The following DMXL1 variants were observed in gnomAD, a reference collection of about 807,000 sequenced individuals.
DMXL1 encodes Dmx like 1.
A neutral mutation model predicts 319.2 loss-of-function variants in DMXL1; 99 were observed. That is an observed-to-expected ratio of 0.31 (90% CI 0.26 to 0.37). The LOEUF (loss-of-function observed/expected upper bound fraction) is 0.37, where lower values mean the gene tolerates loss of function less well. Ranked by LOEUF, DMXL1 falls within the 10% of genes least tolerant of loss-of-function variation. The probability of loss-of-function intolerance (pLI) is 1.00; values close to 1 mark genes in which losing one functional copy is unlikely to be tolerated. For synonymous variants in DMXL1, 1,385 were observed against 1,235.2 expected (o/e 1.12, Z -2.54); for missense variants, 3,745 against 3,595.6 (o/e 1.04, Z -1.06).
At chr5:119,192,266 C>G (rs1778826116) in intron 29 of DMXL1, among the ~76,000 whole-genome samples, 1 of 152,196 alleles carries the variant, frequency 6.6e-6, no homozygotes, top group Non-Finnish European at 1.5e-5. Flanking sequence ...GTCCTTCTAT[C>G]AGACACCTTT....
chr5:119,122,649 C>T (rs1400121377), intron 9 of DMXL1, among the ~76,000 whole-genome samples: 2 of 151,092 alleles, frequency 1.3e-5, no homozygotes, highest in Non-Finnish European at 3.0e-5. Context: ...CAGAGACGCC[C>T]TTCCCCTCCC....
chr5:119,232,148 T>TA (rs2150677300), intron 38 of DMXL1, among the ~76,000 whole-genome samples: 1 of 152,266 alleles, frequency 6.6e-6, no homozygotes, highest in Admixed American at 6.5e-5. Flanking sequence ...ACCCAGCTCT[T>TA]AATTTTTTAA....
chr5:119,145,988 G>A (rs1447269877), intron 15 of DMXL1, among the ~76,000 whole-genome samples: 2 of 151,534 alleles, frequency 1.3e-5, no homozygotes, highest in African/African-American at 4.8e-5. Flanking sequence ...CTTAATTTCT[G>A]TATTTTGGAT....
chr5:119,181,265 C>T (rs1466530758), intron 28 of DMXL1, among the ~76,000 whole-genome samples: 2 of 152,098 alleles, frequency 1.3e-5, no homozygotes, highest in African/African-American at 2.4e-5. Context: ...TATGTTTAAC[C>T]TCAGCCAATA....
chr5:119,211,135 TG>T (rs920771673), intron 34 of DMXL1, among the ~76,000 whole-genome samples: 2 of 151,948 alleles, frequency 1.3e-5, no homozygotes, highest in Non-Finnish European at 2.9e-5. Flanking sequence ...TTGGTCGTGA[TG>T]TGTTATCCTT....
intron 32 of DMXL1, among the ~76,000 whole-genome samples, chr5:119,200,427 G>A (rs1462105322): frequency 6.6e-6 from 1 of 152,150 alleles, no homozygotes; most frequent in Non-Finnish European, 1.5e-5. Context: ...TGTTCCAGTG[G>A]TCAATGTGCC....
rs748088206 is a variant in DMXL1, at chr5:119,171,270, A to T, written c.6479A>T (p.Glu2160Val). ...VRMELILLLQ[E>V]SQQETSEPLF... ...ATGGAATTGATTTTGCTTTTGCAAG[A>T]ATCTCAGCAGGTATGTAATTTACTT... The change falls in exon 24 of 44, where the codon GAA becomes GTA. Residue 2160 changes from glutamate (E) to valine (V), a missense_variant. By Grantham distance (121) the Glu-to-Val change is moderately radical. This residue lies in a region of DMXL1 where 1,382 missense variants were observed against 1,269.5 expected (regional missense o/e 1.09). Transcript: ENST00000539542. 3.1e-6 allele frequency: 5 copies of T among 1,595,166 alleles called. No individual in the cohort carries two copies. In the African/African-American group the frequency reaches 6.7e-5, roughly 22 times the overall value.
At chr5:119,168,936 C>G (rs1773993922) in intron 23 of DMXL1, among the ~76,000 whole-genome samples, 1 of 151,918 alleles carries the variant, frequency 6.6e-6, no homozygotes, top group Admixed American at 6.6e-5. Context: ...TGGAGTCTCA[C>G]TCTCACCCAG....
chr5:119,196,686 TTGAC>T (rs1040106887), intron 31 of DMXL1, among the ~76,000 whole-genome samples: 3 of 152,132 alleles, frequency 2.0e-5, no homozygotes, highest in African/African-American at 4.8e-5. Context: ...TGTGATGTGA[TTGAC>T]TGTCTTGAGA....
Position 119,071,399 on chromosome 5 carries a change from G to T in DMXL1, c.-171G>T, listed in dbSNP as rs561327176. 1.1e-5 allele frequency: 7 copies of T among 622,182 alleles called. No individual in the cohort carries two copies. The South Asian group carries it at 1.2e-4, about 11-fold the overall frequency. 38.5% of individuals were successfully genotyped at this position (622,182 alleles called of 1,614,324 possible). A position where few individuals can be genotyped will look rare whatever the true frequency, so the allele number is the denominator to read the frequency against. ...CTCCGGGCCTCGCCCTCCGGGGCTC[G>T]GGATGAGTCGCGGGCCCCAGCTGAG... On this transcript the variant is annotated 5_prime_UTR_variant, in exon 1 of 44. Transcript: ENST00000539542.
intron 15 of DMXL1, 60 bp from the exon 16 acceptor site, chr5:119,146,777 G>A (rs1420813245): frequency 1.4e-6 from 2 of 1,474,506 alleles, no homozygotes; most frequent in African/African-American, 2.9e-5. Flanking sequence ...AACTTGGCAT[G>A]TTTAGCAAGT....
rs3822517 is a variant in DMXL1, at chr5:119,246,083, C to T, written c.8923-912C>T. On this transcript the variant is annotated intron_variant, in intron 43 of 43. Transcript: ENST00000539542. ...AAAATACATGTCCTGAAAGCATTTA[C>T]GTTCTTCCCATAAGTAAAGATGCGT... 4.0e-3 allele frequency among the ~76,000 whole-genome samples: 602 copies of T among 152,240 alleles called. 9 individuals are homozygous for T. Among genetic ancestry groups the T allele is most frequent in the South Asian group, 0.026 (127 of 4,824 alleles).
At chr5:119,163,838 G>A (rs575326661) in intron 19 of DMXL1, among the ~76,000 whole-genome samples, 3 of 152,288 alleles carry the variant, frequency 2.0e-5, no homozygotes, top group African/African-American at 7.2e-5. Context: ...GCCTCCCAAA[G>A]TGCTGGGATT....
intron 34 of DMXL1, among the ~76,000 whole-genome samples, chr5:119,209,618 G>T (rs1782386630): frequency 1.3e-5 from 2 of 152,224 alleles, no homozygotes; most frequent in South Asian, 4.1e-4. Context: ...GAAGTGTTCG[G>T]ATTACAGGTG....
rs369098761 is a variant in DMXL1, at chr5:119,077,674, A to ATGTGTG, written c.87+6034_87+6039dup. ...TTTGTATATGTGTGTGTGTATATAT[A>ATGTGTG]TGTGTGTGTGTGTGTGTGTGTATGT... On this transcript the variant is annotated intron_variant, in intron 1 of 43. Coordinates refer to ENST00000539542, the MANE Select transcript of DMXL1 (RefSeq NM_001290321.3). 2.6e-3 allele frequency among the ~76,000 whole-genome samples: 309 copies of ATGTGTG among 118,890 alleles called. 3 individuals are homozygous for ATGTGTG. The highest frequency in any genetic ancestry group is 0.015 in the South Asian group (58 of 3,776). 78.0% of individuals were successfully genotyped at this position (118,890 alleles called of 152,430 possible).
At chr5:119,222,044 CA>C (rs201597270) in intron 37 of DMXL1, among the ~76,000 whole-genome samples, 11 of 146,320 alleles carry the variant, frequency 7.5e-5, no homozygotes, top group South Asian at 4.3e-4. Context: ...TTTCCTTGGC[CA>C]AAAAAAAAAT....
At chr5:119,099,455 C>G (rs987192736) in intron 2 of DMXL1, among the ~76,000 whole-genome samples, 20 of 152,258 alleles carry the variant, frequency 1.3e-4, no homozygotes, top group African/African-American at 4.6e-4. Flanking sequence ...GCGATTTGCC[C>G]TCCTTGGCCT....
intron 28 of DMXL1, chr5:119,178,635 G>C: frequency 1.0e-6 from 1 of 985,350 alleles, no homozygotes; most frequent in Non-Finnish European, 1.2e-6. Flanking sequence ...GAATGTGTGG[G>C]CTTTTCCAAA....
In DMXL1 at chr5:119,174,033, A is replaced by G. The variant is rs1056344739; in HGVS notation, c.6682-1228A>G. Among the ~76,000 whole-genome samples the G allele has an allele frequency of 7.1e-4, 108 of 151,934 alleles. 1 individual carries two copies. Among genetic ancestry groups the G allele is most frequent in the Non-Finnish European group, 1.5e-4 (10 of 67,948 alleles). On this transcript the variant is annotated intron_variant, in intron 25 of 43. Transcript: ENST00000539542. ...TTCAAGTCTGAAGACAGGAAAAGCAATGACCCAGCTCAGTGCAGTTAGATG... is the reference window on the plus strand; with the variant it reads ...TTCAAGTCTGAAGACAGGAAAAGCAGTGACCCAGCTCAGTGCAGTTAGATG...
Sources: gnomAD v4.1 joint callset for allele counts (sites outside exome capture counted in the v4.1 genomes callset) on GRCh38, gnomAD v4.1.1 for gene constraint, gnomAD v4.1.1 regional missense constraint, MANE v1.5 for transcripts, NCBI Gene and HGNC (gene_info 2026-07-23, HGNC 2026-07-21) for gene names.